GALNT3: variants seen among roughly 807,000 people sequenced by gnomAD.
GALNT3 encodes GalNAc transferase 3.
GALNT3 carries 51 observed loss-of-function variants against 69.8 expected under a neutral mutation model. The observed-to-expected ratio is 0.73, with a 90% CI of 0.58 to 0.92. The LOEUF is 0.92. GALNT3 is among the 40% of genes least tolerant of loss of function. The pLI, the probability that GALNT3 is intolerant of heterozygous loss-of-function variation, is 0.00. For synonymous variants in GALNT3, 265 were observed against 248.5 expected (o/e 1.07, Z -0.63); for missense variants, 711 against 760.0 (o/e 0.94, Z 0.76).
At chr2:165,770,018 TAGCCTCAATCATTATA>T (rs1336321734) in intron 2 of GALNT3, 152 bp downstream of exon 2, 1 of 769,320 alleles carries the variant, frequency 1.3e-6, no homozygotes, top group Non-Finnish European at 2.2e-6. Context: ...TAGGGATATG[TAGCCTCAATCATTATA>T]AGCAAAAAAT....
At chr2:165,762,177 T>C (rs1334940056) in intron 3 of GALNT3, 123 bp from the exon 4 acceptor site, 1 of 764,306 alleles carries the variant, frequency 1.3e-6, no homozygotes, top group African/African-American at 1.8e-5. Flanking sequence ...GTTGCATGTG[T>C]CCTTCCAGCA....
At chr2:165,771,144 G>A (rs1277600414) in intron 1 of GALNT3, 1 of 152,198 alleles carries the variant, frequency 6.6e-6, no homozygotes, top group Non-Finnish European at 1.5e-5. Context: ...GATAACCAAG[G>A]AATCAAAGGA....
Position 165,769,440 on chromosome 2 carries a change from T to TAATAATAAA in GALNT3, c.515+745_515+746insTTTATTATT, listed in dbSNP as rs1553493936. Among the ~76,000 whole-genome samples, 11 of 112,916 alleles carry TAATAATAAA rather than the reference T, an allele frequency of 9.7e-5. 1 individual carries two copies. In the East Asian group the frequency reaches 1.4e-3, roughly 15 times the overall value. 74.1% of individuals were successfully genotyped at this position (112,916 alleles called of 152,430 possible). On this transcript the variant is annotated intron_variant, in intron 2 of 10. Transcript: ENST00000392701. ...ATAATAATAATAATAATAATAATAATAAATAAATAAATAAATAATCTGTTG... is the reference window on the plus strand; with the variant it reads ...ATAATAATAATAATAATAATAATAATAATAATAAAAAATAAATAAATAAATAATCTGTTG...
chr2:165,776,780 CA>C (rs1306954060), intron 1 of GALNT3, among the ~76,000 whole-genome samples: 7 of 152,116 alleles, frequency 4.6e-5, no homozygotes, highest in Non-Finnish European at 7.4e-5. Context: ...GGATTATTCT[CA>C]GGGGTAAAAA....
chr2:165,770,291 T>C lies in GALNT3; in HGVS notation c.410A>G (p.Glu137Gly), dbSNP rs1032997436. Residue 137 changes from glutamate to glycine, a missense_variant, in exon 2 of 11, where the codon GAG (glutamate) becomes GGG (glycine). By Grantham distance (98) the Glu-to-Gly change is moderately conservative. Transcript: ENST00000392701. The stretch of plus-strand genomic sequence containing the variant: ...TTCCCCACGTTCCTTTTCCTTTTGC[T>C]CTTCAACACTTAAATTGGTTGTCTT... Reference protein sequence around the residue: ...AFKTTNLSVEEQKEKERGEAK... With the variant: ...AFKTTNLSVEGQKEKERGEAK... 2 of 1,614,186 alleles carry C rather than the reference T, an allele frequency of 1.2e-6. No homozygotes were observed. The highest frequency in any genetic ancestry group is 1.7e-6 in the Non-Finnish European group (2 of 1,180,028).
chr2:165,752,465 C>A (rs902781414), intron 9 of GALNT3, among the ~76,000 whole-genome samples: 2 of 152,136 alleles, frequency 1.3e-5, no homozygotes, highest in African/African-American at 4.8e-5. Context: ...CGGTAACAGT[C>A]AGTACAAGCT....
Position 165,761,946 on chromosome 2 carries a change from G to A in GALNT3, c.797C>T (p.Thr266Ile), listed in dbSNP as rs1688557594. 1.2e-6 allele frequency: 2 copies of A among 1,613,894 alleles called. No individual in the cohort carries two copies. Among genetic ancestry groups the A allele is most frequent in the African/African-American group, 1.3e-5 (1 of 74,890 alleles). ...TGTGAGCGTTTCAGCTGTTGCGACT[G>A]TTGCTCCTAGCAACCGAGCAGTGAT... The part of the protein sequence containing the change: ...GLITARLLGA[T>I]VATAETLTFL... The change falls in exon 4 of 11, where the codon ACA (threonine) becomes ATA (isoleucine). Residue 266 changes from threonine (T) to isoleucine (I), a missense_variant. Transcript: ENST00000392701.
At chr2:165,766,685 T>G (rs141360485) in intron 2 of GALNT3, among the ~76,000 whole-genome samples, 30 of 60,022 alleles carry the variant, frequency 5.0e-4, no homozygotes, top group African/African-American at 1.1e-3. Flanking sequence ...CCATCACCCT[T>G]CAGTTCCTCT....
chr2:165,791,009 A>C (rs1377234182), intron 1 of GALNT3, among the ~76,000 whole-genome samples: 1 of 152,114 alleles, frequency 6.6e-6, no homozygotes, highest in Non-Finnish European at 1.5e-5. Context: ...AATTCTTATC[A>C]TCAAAATCCC....
rs185246613 is a variant in GALNT3, at chr2:165,775,963, G to A, written c.-108-5155C>T. The stretch of plus-strand genomic sequence containing the variant: ...AAGTTATTTAGACATGGAGATACAC[G>A]ATAAAATCCAAGGCAAGAATGACCC... On this transcript the variant is annotated intron_variant, in intron 1 of 10. Transcript: ENST00000392701. 7.6e-4 allele frequency among the ~76,000 whole-genome samples: 116 copies of A among 152,232 alleles called. 2 individuals are homozygous for A. In the Middle Eastern group the frequency reaches 0.024, roughly 31 times the overall value.
intron 3 of GALNT3, among the ~76,000 whole-genome samples, chr2:165,763,061 A>T (rs1688580801): frequency 1.3e-5 from 2 of 151,894 alleles, no homozygotes; most frequent in African/African-American, 4.8e-5. Context: ...TCAGCCTCCC[A>T]AAATGCTGGG....
At position 165,754,917 on chromosome 2, in the gene GALNT3, C is replaced by A. The variant is rs372619915; in HGVS notation, c.1524+15G>T. On this transcript the variant is annotated intron_variant, in intron 8 of 10. Coordinates refer to ENST00000392701, the MANE Select transcript of GALNT3 (RefSeq NM_004482.4). ...AGGAGTATATTAATTAAAAAAGGAA[C>A]AGGAAAATACTCACGTATCCAGATA... The A allele has an allele frequency of 1.2e-6, 2 of 1,612,692 alleles. No homozygotes were observed. Among genetic ancestry groups the A allele is most frequent in the Non-Finnish European group, 1.7e-6 (2 of 1,178,988 alleles).
Position 165,748,885 on chromosome 2 carries a change from G to A in GALNT3, c.1798C>T (p.Pro600Ser), listed in dbSNP as rs752300135. 4 of 1,609,988 alleles carry A rather than the reference G, an allele frequency of 2.5e-6. No homozygotes were observed. Among genetic ancestry groups the A allele is most frequent in the East Asian group, 2.2e-5 (1 of 44,772 alleles). Reference protein sequence around the residue: ...EIQKDQLLYNPFLKMCLSANG... With the variant: ...EIQKDQLLYNSFLKMCLSANG... ...GCTGAAAGGCACATTTTTAAGAATG[G>A]ATTGTATAGAAGTTGATCCTAGAAT... The change falls in exon 11 of 11, where the codon CCA becomes TCA. Residue 600 changes from proline to serine, a missense_variant. Transcript: ENST00000392701.
chr2:165,768,551 A>G (rs1376620578), intron 2 of GALNT3, among the ~76,000 whole-genome samples: 2 of 152,226 alleles, frequency 1.3e-5, no homozygotes, highest in African/African-American at 4.8e-5. Context: ...AATTATGAGC[A>G]ACCTAAACTT....
At chr2:165,785,570 T>A (rs746268024) in intron 1 of GALNT3, among the ~76,000 whole-genome samples, 29 of 152,176 alleles carry the variant, frequency 1.9e-4, no homozygotes, top group Non-Finnish European at 3.1e-4. Flanking sequence ...GGAAAATGTA[T>A]GAAGGTAGAA....
intron 4 of GALNT3, among the ~76,000 whole-genome samples, chr2:165,759,937 C>T (rs758780685): frequency 6.6e-6 from 1 of 151,994 alleles, no homozygotes; most frequent in Non-Finnish European, 1.5e-5. Context: ...CCACGTTGTA[C>T]AATAGATCTC....
intron 2 of GALNT3, among the ~76,000 whole-genome samples, chr2:165,768,588 C>T (rs1688689665): frequency 6.6e-6 from 1 of 152,150 alleles, no homozygotes; most frequent in Admixed American, 6.5e-5. Context: ...AATAGCTCAA[C>T]AGAAATCTAA....
intron 10 of GALNT3, 50 bp from the exon 11 acceptor site, chr2:165,748,953 G>A (rs576836668): frequency 7.1e-6 from 11 of 1,552,700 alleles, no homozygotes; most frequent in African/African-American, 5.4e-5. Context: ...TCATAGTTAA[G>A]TGACAAATAT....
At chr2:165,757,023 T>C in intron 7 of GALNT3, 24 bp downstream of exon 7, 1 of 1,562,384 alleles carries the variant, frequency 6.4e-7, no homozygotes, top group Non-Finnish European at 8.8e-7. Flanking sequence ...TTTATTGCAA[T>C]TTAACTACTT....
Sources: gnomAD v4.1 joint callset for allele counts (sites outside exome capture counted in the v4.1 genomes callset) on GRCh38, gnomAD v4.1.1 for gene constraint, MANE v1.5 for transcripts, NCBI Gene and HGNC (gene_info 2026-07-23, HGNC 2026-07-21) for gene names.